The following RNF14 variants were observed in gnomAD, a reference collection of about 807,000 sequenced individuals.
The protein encoded by RNF14 is ring finger protein 14.
Under a neutral mutation model 52.6 loss-of-function variants are expected in RNF14, and 26 were observed. The ratio of observed to expected loss-of-function variants is 0.49; its 90% CI spans 0.36 to 0.69. The LOEUF is 0.69. RNF14 is among the 30% of genes least tolerant of loss of function. The pLI is 0.00. For synonymous variants in RNF14, 194 were observed against 202.0 expected, an observed-to-expected ratio of 0.96 and a Z score of 0.34; for missense variants, 404 against 560.4, an observed-to-expected ratio of 0.72 and a Z score of 2.82.
upstream of RNF14, chr5:141,957,378 T>C: frequency 6.2e-7 from 1 of 1,613,824 alleles, no homozygotes; most frequent in Non-Finnish European, 8.5e-7. This position sits in a 1 kb window ranked among gnomAD's most constrained non-coding sequence, Gnocchi z 4.3. Flanking sequence ...GGTCAAGAGC[T>C]CTGTCCAGGG....
At position 141,975,370 on chromosome 5, in the gene RNF14, A is replaced by C. The variant is rs553666904; in HGVS notation, c.306+415A>C. Among the ~76,000 whole-genome samples the C allele has an allele frequency of 1.2e-4, 19 of 152,392 alleles. No individual in the cohort carries two copies. In the East Asian group the frequency reaches 3.7e-3, roughly 29 times the overall value. On this transcript the variant is annotated intron_variant, in intron 4 of 8. Coordinates refer to ENST00000394520, the MANE Select transcript of RNF14 (RefSeq NM_004290.5). ...TTAGGACTAAAAATTGAGCTAATGT[A>C]GTTATAATAAGCAAATTTTCTGAGT... is the stretch of plus-strand genomic sequence containing the variant.
chr5:141,957,221 C>T (rs777705057), upstream of RNF14: 2 of 1,614,002 alleles, frequency 1.2e-6, no homozygotes, highest in Admixed American at 3.3e-5. The surrounding 1 kb of genome is among the most constrained non-coding windows in gnomAD (Gnocchi z 4.3). Flanking sequence ...AACACCAGAT[C>T]AAAAAATGAA....
chr5:141,960,223 G>A (rs1439574559), intron 1 of RNF14, among the ~76,000 whole-genome samples: 8 of 152,190 alleles, frequency 5.3e-5, no homozygotes, highest in Non-Finnish European at 1.2e-4. Flanking sequence ...GTCCCCCTGT[G>A]TGCCTGACAG....
chr5:141,956,513 T>C (rs1463109180), upstream of RNF14: 2 of 1,613,926 alleles, frequency 1.2e-6, no homozygotes, highest in Non-Finnish European at 1.7e-6. Flanking sequence ...ATCTGAATGC[T>C]GAGCTGTTTC....
chr5:141,975,100 ATCCTGATGT>A (rs1272317855), intron 4 of RNF14, 145 bp downstream of exon 4: 3 of 776,358 alleles, frequency 3.9e-6, no homozygotes, highest in Non-Finnish European at 6.2e-6. Context: ...GCCTTGGTGA[ATCCTGATGT>A]TAAGAAATTG....
chr5:141,987,211 C>T (rs915383922), intron 8 of RNF14, among the ~76,000 whole-genome samples: 2 of 152,178 alleles, frequency 1.3e-5, no homozygotes, highest in African/African-American at 4.8e-5. Flanking sequence ...TGTCTGGCCT[C>T]CCATCCCATC....
chr5:141,970,314 A>G (rs191655394), intron 1 of RNF14, among the ~76,000 whole-genome samples: 1 of 152,354 alleles, frequency 6.6e-6, no homozygotes, highest in Non-Finnish European at 1.5e-5. Context: ...TAATTCATGA[A>G]CAAGAGAGGA....
At chr5:141,951,256 T>C in the RNF14 span, among the ~76,000 whole-genome samples, 17 of 152,356 alleles carry the variant, frequency 1.1e-4, no homozygotes, top group East Asian at 1.9e-3. Flanking sequence ...ACTGTATTGA[T>C]GGTATTTATC....
chr5:141,970,193 C>A (rs547491242), intron 1 of RNF14, among the ~76,000 whole-genome samples: 1 of 152,290 alleles, frequency 6.6e-6, no homozygotes, highest in East Asian at 1.9e-4. Flanking sequence ...AGTGAAGAAG[C>A]CTAGCTCTAA....
chr5:141,974,950 A>T lies in RNF14; in HGVS notation c.301A>T (p.Thr101Ser), dbSNP rs150500657. Residue 101 changes from threonine to serine, a missense_variant, in exon 4 of 9, where the codon ACT becomes TCT. Coordinates refer to ENST00000394520, the MANE Select transcript of RNF14 (RefSeq NM_004290.5). ...FTLSGKWLSP[T>S]QLSALCKHLD... ...ACTTAGTGGCAAATGGCTGTCACCA[A>T]CTCAGGTTAGACTTGAAACTTAATT... The T allele has an allele frequency of 5.6e-6, 9 of 1,613,276 alleles. No homozygotes were observed. In the African/African-American group the frequency reaches 1.2e-4, roughly 22 times the overall value.
At chr5:141,964,691 G>A (rs142244597), upstream of RNF14, among the ~76,000 whole-genome samples, 2,285 of 152,100 alleles carry the variant, frequency 0.015, 57 homozygotes, top group African/African-American at 0.052. Flanking sequence ...TGGGCTCACC[G>A]CAACCTCTGC....
chr5:141,960,585 G>A (rs545731874), intron 1 of RNF14, among the ~76,000 whole-genome samples: 77 of 152,316 alleles, frequency 5.1e-4, no homozygotes, highest in Non-Finnish European at 2.8e-4. Context: ...TAAGAATTTA[G>A]ACCTTGTCCT....
intron 1 of RNF14, among the ~76,000 whole-genome samples, chr5:141,960,186 G>C (rs1434135449): frequency 1.3e-5 from 2 of 152,156 alleles, no homozygotes; most frequent in African/African-American, 2.4e-5. Flanking sequence ...CAGCCCACGT[G>C]ACAGTCTCAC....
intron 3 of RNF14, among the ~76,000 whole-genome samples, chr5:141,974,553 A>G (rs1263484281): frequency 6.6e-6 from 1 of 152,262 alleles, no homozygotes; most frequent in Non-Finnish European, 1.5e-5. Flanking sequence ...AATTGTACTC[A>G]GAAGTGTATA....
At chr5:141,954,164 C>T (rs1753137225), upstream of RNF14, among the ~76,000 whole-genome samples, 1 of 152,178 alleles carries the variant, frequency 6.6e-6, no homozygotes, top group Non-Finnish European at 1.5e-5. Flanking sequence ...CAAGGTTGCC[C>T]AGCTCCTAAG....
intron 6 of RNF14, among the ~76,000 whole-genome samples, chr5:141,980,939 C>T (rs1754716421): frequency 6.6e-6 from 1 of 152,192 alleles, no homozygotes; most frequent in Non-Finnish European, 1.5e-5. Context: ...GAATCTTCCT[C>T]AACATGGCAC....
At chr5:141,955,758 A>G (rs2126928003), upstream of RNF14, 1 of 1,613,926 alleles carries the variant, frequency 6.2e-7, no homozygotes, top group Non-Finnish European at 8.5e-7. This position sits in a 1 kb window ranked among gnomAD's most constrained non-coding sequence, Gnocchi z 5.5. Context: ...GGTGGTCCAC[A>G]CTGGTGACAA....
At chr5:141,979,228 TGGTGGTGTTGTTG>T (rs1754540017) in intron 5 of RNF14, among the ~76,000 whole-genome samples, 11 of 71,382 alleles carry the variant, frequency 1.5e-4, no homozygotes, top group Middle Eastern at 6.3e-3. Context: ...ACTTAGGTGG[TGGTGGTGTTGTTG>T]TTGTTGTTGT....
chr5:141,960,973 G>T (rs1379706945), intron 1 of RNF14, among the ~76,000 whole-genome samples: 4 of 152,146 alleles, frequency 2.6e-5, no homozygotes, highest in African/African-American at 9.7e-5. Context: ...CAGGAAGTGG[G>T]TGCCTGGGGT....
Sources: allele counts gnomAD v4.1 joint callset (sites outside exome capture counted in the v4.1 genomes callset), GRCh38; gene constraint gnomAD v4.1.1; non-coding constraint Gnocchi (gnomAD v3.1); transcripts MANE v1.5; gene names NCBI Gene and HGNC (gene_info 2026-07-23, HGNC 2026-07-21).